Variants in IMMP2L observed in about 807,000 individuals in gnomAD.
IMMP2L encodes mitochondrial inner membrane protease subunit 2.
In IMMP2L, 18 loss-of-function variants were observed where a neutral mutation model predicts 19.3. The ratio of observed to expected loss-of-function variants is 0.93; its 90% confidence interval spans 0.64 to 1.38. IMMP2L has a LOEUF of 1.38. IMMP2L is among the 40% of genes most tolerant of loss of function. The probability of loss-of-function intolerance (pLI) is 0.00; values close to 1 mark genes in which losing one functional copy is unlikely to be tolerated. For synonymous variants in IMMP2L, 76 were observed against 73.0 expected (o/e 1.04, Z -0.21); for missense variants, 233 against 218.2 (o/e 1.07, Z -0.43).
chr7:110,910,257 T>A (rs1812913538), intron 4 of IMMP2L, among the ~76,000 whole-genome samples: 1 of 152,168 alleles, frequency 6.6e-6, no homozygotes, highest in African/African-American at 2.4e-5. Context: ...GAGCAAGATC[T>A]TAAAGAGCCC....
At chr7:111,218,201 TGCTC>T (rs1812155919) in intron 3 of IMMP2L, among the ~76,000 whole-genome samples, 4 of 152,080 alleles carry the variant, frequency 2.6e-5, no homozygotes, top group Non-Finnish European at 5.9e-5. Flanking sequence ...CCCAAGTATC[TGCTC>T]TGTTCTGAAG....
At chr7:110,680,990 AT>A (rs1792679764) in intron 5 of IMMP2L, among the ~76,000 whole-genome samples, 1 of 151,900 alleles carries the variant, frequency 6.6e-6, no homozygotes, top group Admixed American at 6.6e-5. Flanking sequence ...TTTCGTTGCA[AT>A]TTTTCTGTAA....
intron 3 of IMMP2L, among the ~76,000 whole-genome samples, chr7:111,205,341 T>G (rs1810583305): frequency 6.6e-6 from 1 of 152,184 alleles, no homozygotes; most frequent in African/African-American, 2.4e-5. Flanking sequence ...GCCCATCACA[T>G]ACATCAATAA....
chr7:111,054,037 G>C (rs1197715331), intron 3 of IMMP2L, among the ~76,000 whole-genome samples: 4 of 42,182 alleles, frequency 9.5e-5, no homozygotes, highest in Non-Finnish European at 1.5e-4. Context: ...AATTTGTAAT[G>C]ACAGGAAAAT....
At chr7:111,079,574 T>C (rs1219076676) in intron 3 of IMMP2L, among the ~76,000 whole-genome samples, 1 of 152,236 alleles carries the variant, frequency 6.6e-6, no homozygotes, top group Non-Finnish European at 1.5e-5. Flanking sequence ...GCACATGAGG[T>C]ACTGCATAAT....
At chr7:110,843,250 T>A (rs928049210) in intron 5 of IMMP2L, among the ~76,000 whole-genome samples, 1 of 152,152 alleles carries the variant, frequency 6.6e-6, no homozygotes, top group African/African-American at 2.4e-5. Flanking sequence ...AATCCAAAAA[T>A]GGTAAGCAAA....
intron 3 of IMMP2L, among the ~76,000 whole-genome samples, chr7:111,471,734 C>T (rs1025696091): frequency 2.6e-5 from 4 of 151,964 alleles, no homozygotes; most frequent in South Asian, 2.1e-4. Flanking sequence ...TTTGAACGTC[C>T]CTGAACATTC....
At chr7:110,891,914 A>G (rs1297294671) in intron 4 of IMMP2L, among the ~76,000 whole-genome samples, 1 of 152,186 alleles carries the variant, frequency 6.6e-6, no homozygotes, top group African/African-American at 2.4e-5. Context: ...GTTCCAAAGA[A>G]AGAGAATAAA....
At chr7:111,490,610 C>T (rs1843014913) in intron 2 of IMMP2L, among the ~76,000 whole-genome samples, 1 of 151,804 alleles carries the variant, frequency 6.6e-6, no homozygotes, top group Non-Finnish European at 1.5e-5. Flanking sequence ...CATTATGTAA[C>T]TCATGCTATA....
chr7:111,215,336 T>G (rs1004661852), intron 3 of IMMP2L, among the ~76,000 whole-genome samples: 2 of 152,158 alleles, frequency 1.3e-5, no homozygotes, highest in Non-Finnish European at 2.9e-5. Flanking sequence ...TAAGTAACAG[T>G]ATTACACTCG....
intron 3 of IMMP2L, among the ~76,000 whole-genome samples, chr7:111,236,296 C>T (rs928359845): frequency 2.0e-5 from 3 of 152,024 alleles, no homozygotes; most frequent in African/African-American, 7.2e-5. Flanking sequence ...CATCCTTGAG[C>T]TTTGTTTGAG....
intron 2 of IMMP2L, among the ~76,000 whole-genome samples, chr7:111,500,114 C>T (rs1440872981): frequency 5.9e-5 from 9 of 152,092 alleles, no homozygotes; most frequent in East Asian, 1.9e-4. Context: ...CCTAATACTG[C>T]GCTTTTCCAA....
intron 3 of IMMP2L, among the ~76,000 whole-genome samples, chr7:111,256,636 G>A (rs1414747045): frequency 1.3e-5 from 2 of 151,992 alleles, no homozygotes; most frequent in Admixed American, 6.6e-5. Context: ...AGAGGACCAT[G>A]CTGCCTAGAG....
chr7:110,971,215 C>A (rs888659936), intron 3 of IMMP2L, among the ~76,000 whole-genome samples: 1 of 152,096 alleles, frequency 6.6e-6, no homozygotes, highest in African/African-American at 2.4e-5. Flanking sequence ...AGCTTACTCG[C>A]CAGTTTGCCA....
intron 3 of IMMP2L, among the ~76,000 whole-genome samples, chr7:110,979,511 T>C (rs1172894365): frequency 6.6e-6 from 1 of 152,122 alleles, no homozygotes; most frequent in Non-Finnish European, 1.5e-5. Flanking sequence ...GTAGGACCAA[T>C]GCAAATCAGA....
intron 3 of IMMP2L, among the ~76,000 whole-genome samples, chr7:111,385,373 C>G (rs1831630191): frequency 6.6e-6 from 1 of 152,058 alleles, no homozygotes; most frequent in Non-Finnish European, 1.5e-5. Context: ...AGGAAAGCAG[C>G]AGGGGAAGCA....
intron 2 of IMMP2L, among the ~76,000 whole-genome samples, chr7:111,520,331 T>C (rs576816144): frequency 2.6e-5 from 4 of 152,150 alleles, no homozygotes; most frequent in African/African-American, 9.6e-5. Flanking sequence ...ATGATGGAAG[T>C]AGAATATAAA....
chr7:111,160,372 T>TA (rs1805120654), intron 3 of IMMP2L, among the ~76,000 whole-genome samples: 1 of 152,044 alleles, frequency 6.6e-6, no homozygotes, highest in South Asian at 2.1e-4. Context: ...TTATACATAT[T>TA]AGAGTAGTCT....
intron 2 of IMMP2L, among the ~76,000 whole-genome samples, chr7:111,497,462 C>G (rs1843699310): frequency 6.6e-6 from 1 of 151,940 alleles, no homozygotes; most frequent in Non-Finnish European, 1.5e-5. Context: ...AATGGTTAAA[C>G]TTTATGGATA....
Sources: gnomAD v4.1 joint callset for allele counts (sites outside exome capture counted in the v4.1 genomes callset) on GRCh38, gnomAD v4.1.1 for gene constraint, MANE v1.5 for transcripts, NCBI Gene and HGNC (gene_info 2026-07-23, HGNC 2026-07-21) for gene names.